Variants in FANCF observed in about 807,000 individuals in gnomAD.
The protein encoded by FANCF is FA complementation group F.
For missense variants in FANCF, 552 were observed against 481.8 expected, an observed-to-expected ratio of 1.15 and a Z score of -1.36; for synonymous variants, 257 against 205.9, an observed-to-expected ratio of 1.25 and a Z score of -2.13.
chr11:22,625,422 T>C lies in FANCF; in HGVS notation c.389A>G (p.Gln130Arg), dbSNP rs755870012. ...GCGGGCAAGGCGGGCCAGGCTCTCT[T>C]GGAGTGTCTCCTCATCGGCGTCCCG... ...GVRDADEETL[Q>R]ESLARLARRR... The change falls in exon 1 of 1, where the codon CAA becomes CGA. Residue 130 changes from glutamine to arginine, a missense_variant. By Grantham distance (43) the Gln-to-Arg change is conservative. Coordinates refer to ENST00000327470, the MANE Select transcript of FANCF (RefSeq NM_022725.4). 4.3e-6 allele frequency: 7 copies of C among 1,613,978 alleles called. No individual in the cohort carries two copies. Among genetic ancestry groups the C allele is most frequent in the African/African-American group, 1.3e-5 (1 of 74,954 alleles).
In FANCF at chr11:22,625,231, C is replaced by T. The variant is rs893075597; in HGVS notation, c.580G>A (p.Glu194Lys). 1.9e-6 allele frequency: 3 copies of T among 1,613,980 alleles called. No individual in the cohort carries two copies. The highest frequency in any genetic ancestry group is 3.3e-4 in the Middle Eastern group (2 of 6,084). ...RPARFLSSLW[E>K]RLPQNNFLKV... Reference sequence around the variant, plus strand: ...AGGAAGTTGTTCTGAGGCAAGCGCTCCCACAGGCTGCTGAGAAACCTGGCG... The same window carrying T: ...AGGAAGTTGTTCTGAGGCAAGCGCTTCCACAGGCTGCTGAGAAACCTGGCG... Residue 194 changes from glutamate to lysine, a missense_variant, in exon 1 of 1, where the codon GAG (glutamate) becomes AAG (lysine). By Grantham distance (56) the Glu-to-Lys change is moderately conservative (BLOSUM62 1). Coordinates refer to ENST00000327470, the MANE Select transcript of FANCF (RefSeq NM_022725.4).
chr11:22,625,336 C>G lies in FANCF; in HGVS notation c.475G>C (p.Glu159Gln), dbSNP rs1237433093. 3 of 1,614,222 alleles carry G rather than the reference C, an allele frequency of 1.9e-6. No homozygotes were observed. The South Asian group carries it at 3.3e-5, about 18-fold the overall frequency. ...NGYRENPNLQ[E>Q]DSLMKTQAEL... ...GCCTGGGTCTTCATCAGAGAGTCCTCCTGGAGATTTGGGTTCTCTCTATAG... is the reference window on the plus strand; with the variant it reads ...GCCTGGGTCTTCATCAGAGAGTCCTGCTGGAGATTTGGGTTCTCTCTATAG... The change falls in exon 1 of 1, where the codon GAG (glutamate) becomes CAG (glutamine). Residue 159 changes from glutamate to glutamine, a missense_variant. By Grantham distance (29) the Glu-to-Gln change is conservative. Transcript: ENST00000327470.
In FANCF at chr11:22,625,403, AAGGCGGGCC is replaced by A; in HGVS notation, c.399_407del (p.Leu136_Arg138del). ...TGTGCACCGCAGACCGCCGGCGGGC[AAGGCGGGCC>A]AGGCTCTCTTGGAGTGTCTCCTCAT... On this transcript the variant is annotated inframe_deletion, in exon 1 of 1. Transcript: ENST00000327470. The A allele has an allele frequency of 6.2e-7, 1 of 1,614,194 alleles. No homozygotes were observed. Among genetic ancestry groups the A allele is most frequent in the Non-Finnish European group, 8.5e-7 (1 of 1,180,030 alleles).
Position 22,625,122 on chromosome 11 carries a change from G to C in FANCF, c.689C>G (p.Pro230Arg), listed in dbSNP as rs762305649. 3.7e-6 allele frequency: 6 copies of C among 1,609,086 alleles called. No individual in the cohort carries two copies. The highest frequency in any genetic ancestry group is 1.7e-5 in the Admixed American group (1 of 59,510). ...EELEPGIHKS[P>R]GEGSQVLVHW... ...GACTAGCACTTGGCTCCCCTCTCCA[G>C]GTGATTTGTGGATGCCGGGTTCCAA... is the stretch of plus-strand genomic sequence containing the variant. The change falls in exon 1 of 1, where the codon CCT (proline) becomes CGT (arginine). Residue 230 changes from proline to arginine, a missense_variant. By Grantham distance (103) the Pro-to-Arg change is moderately radical. Coordinates refer to ENST00000327470, the MANE Select transcript of FANCF (RefSeq NM_022725.4).
Position 22,625,360 on chromosome 11 carries a change from A to T in FANCF, c.451T>A (p.Tyr151Asn), listed in dbSNP as rs984455929. 1 of 1,614,172 alleles carries T rather than the reference A, an allele frequency of 6.2e-7. No homozygotes were observed. Among genetic ancestry groups the T allele is most frequent in the Non-Finnish European group, 8.5e-7 (1 of 1,180,018 alleles). Reference sequence around the variant, plus strand: ...TCCTGGAGATTTGGGTTCTCTCTATAGCCATTGAAGCGCAGCATGTGCACC... The same window carrying T: ...TCCTGGAGATTTGGGTTCTCTCTATTGCCATTGAAGCGCAGCATGTGCACC... ...SAVHMLRFNG[Y>N]RENPNLQEDS... is the part of the protein sequence containing the mutation. The change falls in exon 1 of 1, where the codon TAT (tyrosine) becomes AAT (asparagine). Residue 151 changes from tyrosine to asparagine, a missense_variant. Tyr to Asn is a moderately radical substitution (Grantham distance 143). Coordinates refer to ENST00000327470, the MANE Select transcript of FANCF (RefSeq NM_022725.4).
In FANCF at chr11:22,624,822, T is replaced by G; in HGVS notation, c.989A>C (p.Glu330Ala). ...PLKDKVLTALETCKAQDGDFE... is the reference protein window; with the variant it reads ...PLKDKVLTALATCKAQDGDFE... ...ATCTCCATCCTGCGCTTTACAGGTC[T>G]CCAGGGCAGTTAGAACTTTATCTTT... The change falls in exon 1 of 1, where the codon GAG becomes GCG. Residue 330 changes from glutamate (E) to alanine (A), a missense_variant. Coordinates refer to ENST00000327470, the MANE Select transcript of FANCF (RefSeq NM_022725.4). The G allele has an allele frequency of 6.2e-7, 1 of 1,614,202 alleles. No homozygotes were observed. The highest frequency in any genetic ancestry group is 1.7e-5 in the Admixed American group (1 of 60,030).
chr11:22,624,242 T>C lies in FANCF; in HGVS notation c.*444A>G. ...TAGGTTAACAAGGCCAAACTCCAGA[T>C]AGGCCAACAGCTTTTCAAACCAATA... On this transcript the variant is annotated 3_prime_UTR_variant, in exon 1 of 1. Transcript: ENST00000327470. 1 of 277,030 alleles carries C rather than the reference T, an allele frequency of 3.6e-6. No individual in the cohort carries two copies. 17.2% of individuals were successfully genotyped at this position (277,030 alleles called of 1,614,324 possible).
rs146352365 is a variant in FANCF, at chr11:22,625,553, G to T, written c.258C>A (p.Leu86=). The change falls in exon 1 of 1, where the codon CTC becomes CTA. Residue 86 remains leucine (L), a synonymous_variant. Coordinates refer to ENST00000327470, the MANE Select transcript of FANCF (RefSeq NM_022725.4). ...GAGAGAGCAGGACGTCACAGTGACC[G>T]AGGGCCTGGAAGTTCGCTAATCCCG... ...PVPGLANFQA[L]GHCDVLLSLR... is the part of the protein sequence containing the mutation. The T allele has an allele frequency of 3.2e-5, 51 of 1,614,000 alleles. No homozygotes were observed. The highest frequency in any genetic ancestry group is 4.2e-5 in the Non-Finnish European group (49 of 1,180,028).
Position 22,624,840 on chromosome 11 carries a change from T to C in FANCF, c.971A>G (p.Lys324Arg), listed in dbSNP as rs756625596. 1.9e-6 allele frequency: 3 copies of C among 1,614,086 alleles called. No homozygotes were observed. The South Asian group carries it at 3.3e-5, about 18-fold the overall frequency. ...LCQAPPPLKD[K>R]VLTALETCKA... The stretch of plus-strand genomic sequence containing the variant: ...ACAGGTCTCCAGGGCAGTTAGAACT[T>C]TATCTTTCAGAGGTGGAGGGGCCTG... Residue 324 changes from lysine to arginine, a missense_variant, in exon 1 of 1, where the codon AAA becomes AGA. Transcript: ENST00000327470.
rs1565055602 is a variant in FANCF at position 22,625,623 on chromosome 11, TG to T, written c.187del (p.His63ThrfsTer18). On this transcript the variant is annotated frameshift_variant, in exon 1 of 1. Coordinates refer to ENST00000327470, the MANE Select transcript of FANCF (RefSeq NM_022725.4). LOFTEE classifies it low-confidence loss of function (END_TRUNC). ...GCCGCCCTCTTGCCTCCACTGGTTGTGCAGCCGCCGCTCCAGAGCCGTGCGA... is the reference window on the plus strand; with the variant it reads ...GCCGCCCTCTTGCCTCCACTGGTTGTCAGCCGCCGCTCCAGAGCCGTGCGA... ...PIRTALERRL[H>X]NQWRQEGGFG... The T allele has an allele frequency of 6.2e-7, 1 of 1,613,534 alleles. No individual in the cohort carries two copies. The highest frequency in any genetic ancestry group is 8.5e-7 in the Non-Finnish European group (1 of 1,179,872).
In FANCF at chr11:22,623,203, T is replaced by C. The variant is rs536079455; in HGVS notation, c.*1483A>G. The C allele has an allele frequency of 8.9e-5, 19 of 213,914 alleles. No individual in the cohort carries two copies. Among genetic ancestry groups the C allele is most frequent in the African/African-American group, 4.3e-4 (19 of 44,446 alleles). The allele number at this position is 213,914 out of a possible 1,614,324, so 13.3% of individuals were successfully genotyped here. A position where few individuals can be genotyped will look rare whatever the true frequency, so the allele number is the denominator to read the frequency against. ...TCAAGATTTATCTAGAAAAGTGTACTGACTACTGGAATAATAGTTTACCCC... is the reference window on the plus strand; with the variant it reads ...TCAAGATTTATCTAGAAAAGTGTACCGACTACTGGAATAATAGTTTACCCC... On this transcript the variant is annotated 3_prime_UTR_variant, in exon 1 of 1. Coordinates refer to ENST00000327470, the MANE Select transcript of FANCF (RefSeq NM_022725.4).
In FANCF at chr11:22,625,532, G is replaced by C. The variant is rs199578614; in HGVS notation, c.279C>G (p.Leu93=). ...FQALGHCDVL[L]SLRLLENRAL... ...CCCGGTTCTCCAGCAGGCGCAGAGA[G>C]AGCAGGACGTCACAGTGACCGAGGG... is the stretch of plus-strand genomic sequence containing the variant. The change falls in exon 1 of 1, where the codon CTC becomes CTG. Residue 93 remains leucine, a synonymous_variant. Transcript: ENST00000327470. The C allele has an allele frequency of 3.1e-6, 5 of 1,614,208 alleles. No homozygotes were observed. The highest frequency in any genetic ancestry group is 3.4e-6 in the Non-Finnish European group (4 of 1,180,032).
rs1590542501 is a variant in FANCF, at chr11:22,625,746, T to C, written c.65A>G (p.Tyr22Cys). 6.2e-7 allele frequency: 1 copy of C among 1,614,060 alleles called. No individual in the cohort carries two copies. Among genetic ancestry groups the C allele is most frequent in the Non-Finnish European group, 8.5e-7 (1 of 1,180,000 alleles). ...SELLAVSSTT[Y>C]VSTWDPATVR... ...GGTGGCGGGGTCCCAGGTGCTGACG[T>C]AGGTAGTGCTTGAGACCGCCAGAAG... The change falls in exon 1 of 1, where the codon TAC becomes TGC. Residue 22 changes from tyrosine to cysteine, a missense_variant. Physicochemically the swap from Tyr to Cys is radical, Grantham distance 194. Coordinates refer to ENST00000327470, the MANE Select transcript of FANCF (RefSeq NM_022725.4).
In FANCF at chr11:22,622,734, A is replaced by T. The variant is rs925110798; in HGVS notation, c.*1952T>A. The T allele has an allele frequency of 5.2e-6, 1 of 192,782 alleles. No individual in the cohort carries two copies. The highest frequency in any genetic ancestry group is 2.3e-5 in the African/African-American group (1 of 43,240). The allele number at this position is 192,782 out of a possible 1,614,324, so 11.9% of individuals were successfully genotyped here. A position where few individuals can be genotyped will look rare whatever the true frequency, so the allele number is the denominator to read the frequency against. ...CCACTTTCATGTTGCTTTTGTTTAT[A>T]CCCTTGGGCATTTTACTTAATCTTT... On this transcript the variant is annotated 3_prime_UTR_variant, in exon 1 of 1. Coordinates refer to ENST00000327470, the MANE Select transcript of FANCF (RefSeq NM_022725.4).
chr11:22,624,747 C>A lies in FANCF; in HGVS notation c.1064G>T (p.Arg355Leu), dbSNP rs758175326. The change falls in exon 1 of 1, where the codon CGT (arginine) becomes CTT (leucine). Residue 355 changes from arginine to leucine, a missense_variant. By Grantham distance (102) the Arg-to-Leu change is moderately radical. Coordinates refer to ENST00000327470, the MANE Select transcript of FANCF (RefSeq NM_022725.4). ...TTGTCTTTTCCTAAATGCACCACTA[C>A]GAAGAGCTAATAAGAGGTCTGTCCA... ...SIWTDLLLAL[R>L]SGAFRKRQVL... The A allele has an allele frequency of 6.2e-7, 1 of 1,614,160 alleles. No homozygotes were observed. The highest frequency in any genetic ancestry group is 1.7e-5 in the Admixed American group (1 of 60,024).
In FANCF at chr11:22,624,141, T is replaced by C; in HGVS notation, c.*545A>G. 1 of 240,616 alleles carries C rather than the reference T, an allele frequency of 4.2e-6. No homozygotes were observed. Among genetic ancestry groups the C allele is most frequent in the African/African-American group, 2.2e-5 (1 of 45,488 alleles). The allele number at this position is 240,616 out of a possible 1,614,324, so 14.9% of individuals were successfully genotyped here. Reference sequence around the variant, plus strand: ...GTGATTCATTTTCAAAGTAAGAATTTGCAGAAAATGAGAAACAAACTTTCT... The same window carrying C: ...GTGATTCATTTTCAAAGTAAGAATTCGCAGAAAATGAGAAACAAACTTTCT... On this transcript the variant is annotated 3_prime_UTR_variant, in exon 1 of 1. Transcript: ENST00000327470.
chr11:22,625,743 A>AC lies in FANCF; in HGVS notation c.67dup (p.Val23GlyfsTer68). 1 of 1,614,156 alleles carries AC rather than the reference A, an allele frequency of 6.2e-7. No individual in the cohort carries two copies. The highest frequency in any genetic ancestry group is 8.5e-7 in the Non-Finnish European group (1 of 1,180,036). Reference sequence around the variant, plus strand: ...CACGGTGGCGGGGTCCCAGGTGCTGACGTAGGTAGTGCTTGAGACCGCCAG... The same window carrying AC: ...CACGGTGGCGGGGTCCCAGGTGCTGACCGTAGGTAGTGCTTGAGACCGCCAG... On this transcript the variant is annotated frameshift_variant, in exon 1 of 1. Coordinates refer to ENST00000327470, the MANE Select transcript of FANCF (RefSeq NM_022725.4). LOFTEE classifies it low-confidence loss of function (END_TRUNC).
rs1565055573 is a variant in FANCF, at chr11:22,625,608, T to C, written c.203A>G (p.Gln68Arg). 6.2e-7 allele frequency: 1 copy of C among 1,613,750 alleles called. No homozygotes were observed. Among genetic ancestry groups the C allele is most frequent in the Admixed American group, 1.7e-5 (1 of 60,020 alleles). ...LERRLHNQWR[Q>R]EGGFGRGPVP... The stretch of plus-strand genomic sequence containing the variant: ...TGGACCCCGCCCAAAGCCGCCCTCT[T>C]GCCTCCACTGGTTGTGCAGCCGCCG... The change falls in exon 1 of 1, where the codon CAA becomes CGA. Residue 68 changes from glutamine (Q) to arginine (R), a missense_variant. Coordinates refer to ENST00000327470, the MANE Select transcript of FANCF (RefSeq NM_022725.4).
chr11:22,625,797 A>C lies in FANCF; in HGVS notation c.14T>G (p.Leu5Arg), dbSNP rs1159900858. ...CTCGGAAAAGCGATCCAGGTGCTGC[A>C]GAAGGGATTCCATGAGGTGCGCGAA... MESLLQHLDRFSELL... is the reference protein window; with the variant it reads MESLRQHLDRFSELL... Residue 5 changes from leucine to arginine, a missense_variant, in exon 1 of 1, where the codon CTG becomes CGG. Coordinates refer to ENST00000327470, the MANE Select transcript of FANCF (RefSeq NM_022725.4). The C allele has an allele frequency of 2.5e-6, 4 of 1,614,130 alleles. No individual in the cohort carries two copies. Among genetic ancestry groups the C allele is most frequent in the South Asian group, 1.1e-5 (1 of 91,088 alleles).
Sources: gnomAD v4.1 joint callset for allele counts on GRCh38, gnomAD v4.1.1 for gene constraint, MANE v1.5 for transcripts, NCBI Gene and HGNC (gene_info 2026-07-23, HGNC 2026-07-21) for gene names.